PITX1: variants seen among roughly 807,000 people sequenced by gnomAD.
PITX1 encodes pituitary homeobox 1.
In PITX1, 5 loss-of-function variants were observed where a neutral mutation model predicts 24.1. That is an observed-to-expected ratio of 0.21 (90% CI 0.11 to 0.44). PITX1 has a LOEUF of 0.44. Among genes scored for constraint, PITX1 ranks in the 20% least tolerant of loss-of-function variants. The probability of loss-of-function intolerance (pLI) is 0.99; values close to 1 mark genes in which losing one functional copy is unlikely to be tolerated. For synonymous variants in PITX1, 213 were observed against 208.9 expected (o/e 1.02, Z -0.17); for missense variants, 401 against 455.4 (o/e 0.88, Z 1.09).
Position 135,031,528 on chromosome 5 carries a change from G to T in PITX1, c.170-20C>A, listed in dbSNP as rs747761334. 6.3e-7 allele frequency: 1 copy of T among 1,591,790 alleles called. No individual in the cohort carries two copies. On this transcript the variant is annotated intron_variant, in intron 1 of 2. Transcript: ENST00000265340. ...CCTTCTCTGCAGTAGGCAGGACGGG[G>T]AGCGGGTCACCTGGGCTTACGCCCC...
chr5:135,029,196 G>A lies in PITX1; in HGVS notation c.528C>T (p.Ala176=), dbSNP rs539835333. The stretch of plus-strand genomic sequence containing the variant: ...CCCAGTTGTTGTAGGAGTAGCCGGC[G>A]GCGTACACGTCCTCGTAGGGCTGCA... ...GLVQPYEDVY[A]AGYSYNNWAA... is the part of the protein sequence containing the mutation. Residue 176 remains alanine, a synonymous_variant, in exon 3 of 3, where the codon GCC becomes GCT. Coordinates refer to ENST00000265340, the MANE Select transcript of PITX1 (RefSeq NM_002653.5). 5.6e-6 allele frequency: 9 copies of A among 1,614,214 alleles called. No individual in the cohort carries two copies. The Admixed American group carries it at 8.3e-5, about 15-fold the overall frequency.
At chr5:135,030,687 C>T (rs550437389) in intron 2 of PITX1, among the ~76,000 whole-genome samples, 45 of 152,296 alleles carry the variant, frequency 3.0e-4, no homozygotes, top group African/African-American at 1.0e-3. Flanking sequence ...CCTCACCTGA[C>T]GGGAGACCTT....
At chr5:135,031,597 C>T in intron 1 of PITX1, 89 bp from the exon 2 acceptor site, 1 of 1,096,660 alleles carries the variant, frequency 9.1e-7, no homozygotes, top group African/African-American at 1.6e-5. Flanking sequence ...GCCACCAGCG[C>T]TGGCGGTCTT....
intron 1 of PITX1, chr5:135,032,051 C>G (rs1474179574): frequency 2.6e-5 from 4 of 154,926 alleles, no homozygotes; most frequent in African/African-American, 9.6e-5. Flanking sequence ...GCAGCCCAGA[C>G]AGACAGACTC....
At chr5:135,034,264 C>T (rs1162027978), upstream of PITX1, 2 of 149,630 alleles carry the variant, frequency 1.3e-5, no homozygotes, top group Non-Finnish European at 1.5e-5. Context: ...TCCAGCAGTC[C>T]CTGCGCCAGG....
In PITX1 at chr5:135,033,601, G is replaced by A. The variant is rs1250792969; in HGVS notation, c.169+112C>T. The A allele has an allele frequency of 1.8e-6, 2 of 1,093,666 alleles. No individual in the cohort carries two copies. Among genetic ancestry groups the A allele is most frequent in the Non-Finnish European group, 2.7e-6 (2 of 748,166 alleles). The allele number at this position is 1,093,666 out of a possible 1,614,324, so 67.7% of individuals were successfully genotyped here. A position where few individuals can be genotyped will look rare whatever the true frequency, so the allele number is the denominator to read the frequency against. ...GAAAAAGAAAGCTCCTGACGCTTCT[G>A]GGGCGGAGAGGGAGCTTGGTTGCGC... On this transcript the variant is annotated intron_variant, in intron 1 of 2. Coordinates refer to ENST00000265340, the MANE Select transcript of PITX1 (RefSeq NM_002653.5). The surrounding 1 kb of genome is among the most constrained non-coding windows in gnomAD (Gnocchi z 5.9).
At chr5:135,034,756 G>C (rs1561473608), upstream of PITX1, 1 of 152,276 alleles carries the variant, frequency 6.6e-6, no homozygotes, top group African/African-American at 2.4e-5. Context: ...AGCTCCCAGC[G>C]GTGTCCTCGT....
Position 135,028,692 on chromosome 5 carries a change from C to A in PITX1, c.*87G>T. 1.0e-6 allele frequency: 1 copy of A among 969,744 alleles called. No individual in the cohort carries two copies. The highest frequency in any genetic ancestry group is 1.7e-5 in the African/African-American group (1 of 57,502). The allele number at this position is 969,744 out of a possible 1,614,324, so 60.1% of individuals were successfully genotyped here. On this transcript the variant is annotated 3_prime_UTR_variant, in exon 3 of 3. Coordinates refer to ENST00000265340, the MANE Select transcript of PITX1 (RefSeq NM_002653.5). ...CCGCGGCGCGGTGAGCTGGGGCTTGCGAGCCGGGGCCCCGCGTGCGTCCTC... is the reference window on the plus strand; with the variant it reads ...CCGCGGCGCGGTGAGCTGGGGCTTGAGAGCCGGGGCCCCGCGTGCGTCCTC...
In PITX1 at chr5:135,031,503, C is replaced by T; in HGVS notation, c.175G>A (p.Glu59Lys). The change falls in exon 2 of 3, where the codon GAG (glutamate) becomes AAG (lysine). Residue 59 changes from glutamate (E) to lysine (K), a missense_variant. Physicochemically the swap from Glu to Lys is moderately conservative, Grantham distance 56. This residue lies in a region of PITX1 where 136 missense variants were observed against 133.3 expected (regional missense o/e 1.02). Transcript: ENST00000265340. ...GGCCCCTTGGGTTCCCCGCCGCGCT[C>T]CTTCTCTGCAGTAGGCAGGACGGGG... ...ESSDTELPEK[E>K]RGGEPKGPED... The T allele has an allele frequency of 6.2e-7, 1 of 1,610,544 alleles. No individual in the cohort carries two copies. The highest frequency in any genetic ancestry group is 2.2e-5 in the East Asian group (1 of 44,838).
Position 135,033,813 on chromosome 5 carries a change from TGGCGGC to T in PITX1, c.63_68del (p.Pro23_Pro24del), listed in dbSNP as rs752690307. 51 of 1,553,658 alleles carry T rather than the reference TGGCGGC, an allele frequency of 3.3e-5. No individual in the cohort carries two copies. The highest frequency in any genetic ancestry group is 1.4e-4 in the South Asian group (12 of 85,894). ...GGAAGGCGGGCCCCATGTCATGGGG[TGGCGGC>T]GGCGGCGGCCGGAGCCCCTCCGGCA... On this transcript the variant is annotated inframe_deletion, in exon 1 of 3. Transcript: ENST00000265340. The surrounding 1 kb of genome is among the most constrained non-coding windows in gnomAD (Gnocchi z 5.9).
In PITX1 at chr5:135,028,894, G is replaced by T; in HGVS notation, c.830C>A (p.Thr277Lys). The T allele has an allele frequency of 6.2e-7, 1 of 1,613,770 alleles. No homozygotes were observed. Among genetic ancestry groups the T allele is most frequent in the East Asian group, 2.2e-5 (1 of 44,866 alleles). Residue 277 changes from threonine to lysine, a missense_variant, in exon 3 of 3, where the codon ACG (threonine) becomes AAG (lysine). By Grantham distance (78) the Thr-to-Lys change is moderately conservative (BLOSUM62 -1). Coordinates refer to ENST00000265340, the MANE Select transcript of PITX1 (RefSeq NM_002653.5). ...PASPYSVYRD[T>K]CNSSLASLRL... The stretch of plus-strand genomic sequence containing the variant: ...CAGGCTGGCTAGGCTCGAGTTGCAC[G>T]TGTCCCGGTAGACGCTGTAGGGCGA...
intron 2 of PITX1, 77 bp downstream of exon 2, chr5:135,031,198 TA>T: frequency 9.2e-7 from 1 of 1,091,902 alleles, no homozygotes; most frequent in Non-Finnish European, 1.4e-6. Flanking sequence ...CTTGTGGGTC[TA>T]AGCTTTGGAG....
At chr5:135,030,864 T>A (rs1302288517) in intron 2 of PITX1, among the ~76,000 whole-genome samples, 2 of 152,244 alleles carry the variant, frequency 1.3e-5, no homozygotes, top group African/African-American at 4.8e-5. Context: ...AGACAGGACC[T>A]GCCTTTCCCT....
chr5:135,033,426 C>T lies in PITX1; in HGVS notation c.169+287G>A. On this transcript the variant is annotated intron_variant, in intron 1 of 2. Transcript: ENST00000265340. The surrounding 1 kb of genome is among the most constrained non-coding windows in gnomAD (Gnocchi z 5.9). ...CAGTTGCGCAAATCAAATTCTTTCC[C>T]GTTCTATTTACTCCTGATCAAGAGG... 1 of 468,612 alleles carries T rather than the reference C, an allele frequency of 2.1e-6. No individual in the cohort carries two copies. The highest frequency in any genetic ancestry group is 4.2e-5 in the East Asian group (1 of 23,594). 29.0% of individuals were successfully genotyped at this position (468,612 alleles called of 1,614,324 possible).
At chr5:135,030,340 C>T (rs1752427393) in intron 2 of PITX1, among the ~76,000 whole-genome samples, 1 of 152,134 alleles carries the variant, frequency 6.6e-6, no homozygotes, top group Non-Finnish European at 1.5e-5. Flanking sequence ...TAAACCTGGG[C>T]AGGATTAGTG....
At chr5:135,030,626 A>G (rs1752430931) in intron 2 of PITX1, among the ~76,000 whole-genome samples, 3 of 152,186 alleles carry the variant, frequency 2.0e-5, no homozygotes, top group Non-Finnish European at 2.9e-5. Flanking sequence ...CTGAGATGGC[A>G]TATCCTAAAA....
In PITX1 at chr5:135,028,868, G is replaced by T; in HGVS notation, c.856C>A (p.Arg286=). ...GACGAGTGCTGTTTGGACTTGAGCC[G>T]CAGGCTGGCTAGGCTCGAGTTGCAC... ...DTCNSSLASL[R]LKSKQHSSFG... Residue 286 remains arginine (R), a synonymous_variant, in exon 3 of 3, where the codon CGG becomes AGG. Coordinates refer to ENST00000265340, the MANE Select transcript of PITX1 (RefSeq NM_002653.5). 3 of 1,613,738 alleles carry T rather than the reference G, an allele frequency of 1.9e-6. No homozygotes were observed. Among genetic ancestry groups the T allele is most frequent in the African/African-American group, 1.3e-5 (1 of 75,048 alleles).
At position 135,028,522 on chromosome 5, in the gene PITX1, G is replaced by A. The variant is rs1160310405; in HGVS notation, c.*257C>T. 1.2e-5 allele frequency: 2 copies of A among 160,536 alleles called. No individual in the cohort carries two copies. Among genetic ancestry groups the A allele is most frequent in the African/African-American group, 2.5e-5 (1 of 39,748 alleles). 9.9% of individuals were successfully genotyped at this position (160,536 alleles called of 1,614,324 possible). A position where few individuals can be genotyped will look rare whatever the true frequency, so the allele number is the denominator to read the frequency against. On this transcript the variant is annotated 3_prime_UTR_variant, in exon 3 of 3. Coordinates refer to ENST00000265340, the MANE Select transcript of PITX1 (RefSeq NM_002653.5). The stretch of plus-strand genomic sequence containing the variant: ...GAAATTGCAACTCATCCATTTTTTC[G>A]CGGCACTTTTCTCCGACGTCTTTTT...
At chr5:135,030,931 T>A (rs1487785545) in intron 2 of PITX1, among the ~76,000 whole-genome samples, 3 of 152,172 alleles carry the variant, frequency 2.0e-5, no homozygotes, top group Non-Finnish European at 4.4e-5. Flanking sequence ...GGGAATCCAC[T>A]GCCCAGTCTC....
Sources: allele counts gnomAD v4.1 joint callset (sites outside exome capture counted in the v4.1 genomes callset), GRCh38; gene constraint gnomAD v4.1.1; regional missense constraint gnomAD v4.1.1; non-coding constraint Gnocchi (gnomAD v3.1); transcripts MANE v1.5; gene names NCBI Gene and HGNC (gene_info 2026-07-23, HGNC 2026-07-21).